Variants in ZFAT observed in about 807,000 individuals in gnomAD.
ZFAT encodes the protein zinc finger protein ZFAT.
In ZFAT, 64 loss-of-function variants were observed where a neutral mutation model predicts 117.7. The ratio of observed to expected loss-of-function variants is 0.54; its 90% CI spans 0.44 to 0.67. The LOEUF (loss-of-function observed/expected upper bound fraction) is 0.67, where lower values mean the gene tolerates loss of function less well. Among genes scored for constraint, ZFAT ranks in the 30% least tolerant of loss-of-function variants. The probability of loss-of-function intolerance (pLI) is 0.00; values close to 1 mark genes in which losing one functional copy is unlikely to be tolerated. For synonymous variants in ZFAT, 679 were observed against 615.0 expected (o/e 1.10, Z -1.54); for missense variants, 1,433 against 1,584.5 (o/e 0.90, Z 1.62).
chr8:134,733,745 C>T, the ZFAT span, among the ~76,000 whole-genome samples: 1 of 152,202 alleles, frequency 6.6e-6, no homozygotes, highest in Non-Finnish European at 1.5e-5. Flanking sequence ...TTTGTCTCGT[C>T]CTTGGTAGGT....
chr8:134,624,017 A>G (rs1222083082), intron 3 of ZFAT, among the ~76,000 whole-genome samples: 1 of 152,094 alleles, frequency 6.6e-6, no homozygotes, highest in Non-Finnish European at 1.5e-5. Flanking sequence ...AAACTACTAT[A>G]CAGACCTCCA....
the ZFAT span, among the ~76,000 whole-genome samples, chr8:134,822,270 A>C: frequency 1.4e-4 from 22 of 152,256 alleles, no homozygotes; most frequent in Middle Eastern, 3.4e-3. Flanking sequence ...ATTACACAGC[A>C]TGTCACTGGC....
chr8:134,821,974 T>C, the ZFAT span, among the ~76,000 whole-genome samples: 2 of 152,148 alleles, frequency 1.3e-5, no homozygotes, highest in Admixed American at 1.3e-4. Context: ...TGCATGCTGT[T>C]GAGGGAAATG....
intron 1 of ZFAT, among the ~76,000 whole-genome samples, chr8:134,674,091 T>C (rs1307174200): frequency 3.3e-5 from 5 of 152,144 alleles, no homozygotes; most frequent in African/African-American, 4.8e-5. Context: ...TTCAGTCTGG[T>C]TGGACAGTGG....
the ZFAT span, among the ~76,000 whole-genome samples, chr8:134,817,436 C>CAA: frequency 9.6e-4 from 122 of 126,926 alleles, 1 homozygote; most frequent in Admixed American, 4.1e-3. Context: ...CACACACACA[C>CAA]AACGCACCCT....
chr8:134,732,835 A>C, the ZFAT span, among the ~76,000 whole-genome samples: 1 of 152,198 alleles, frequency 6.6e-6, no homozygotes, highest in Non-Finnish European at 1.5e-5. Flanking sequence ...ATGGGCACAC[A>C]GAGCACAGGC....
the ZFAT span, chr8:134,723,526 C>T: frequency 6.6e-6 from 1 of 152,314 alleles, no homozygotes; most frequent in African/African-American, 2.4e-5. Flanking sequence ...AGTCCACCTT[C>T]AGCAAGACGG....
chr8:134,586,355 G>C (rs993260344), intron 9 of ZFAT, among the ~76,000 whole-genome samples: 3 of 152,156 alleles, frequency 2.0e-5, no homozygotes, highest in African/African-American at 7.2e-5. Context: ...TCTACTGAGG[G>C]CTTTACATAA....
the ZFAT span, among the ~76,000 whole-genome samples, chr8:134,773,984 ATTTTTTTTT>A: frequency 4.1e-4 from 42 of 103,294 alleles, no homozygotes; most frequent in African/African-American, 1.5e-3. Context: ...TTGAGGATTA[ATTTTTTTTT>A]TTTTTTTTTT....
chr8:134,552,823 T>C (rs1000639450), intron 11 of ZFAT, among the ~76,000 whole-genome samples: 3 of 152,236 alleles, frequency 2.0e-5, no homozygotes, highest in African/African-American at 7.2e-5. Flanking sequence ...ATCTCCAAAA[T>C]GCACAGATTT....
intron 15 of ZFAT, among the ~76,000 whole-genome samples, chr8:134,493,847 A>C (rs1818232290): frequency 6.6e-6 from 1 of 152,172 alleles, no homozygotes; most frequent in African/African-American, 2.4e-5. Flanking sequence ...CCCAGCTTAT[A>C]GTAGGCACTC....
At chr8:134,589,762 G>A (rs1027005670) in intron 8 of ZFAT, among the ~76,000 whole-genome samples, 2 of 152,230 alleles carry the variant, frequency 1.3e-5, no homozygotes, top group Non-Finnish European at 2.9e-5. Context: ...ACCAGGTAGG[G>A]CAGAAGGGAA....
the ZFAT span, among the ~76,000 whole-genome samples, chr8:134,824,425 C>A: frequency 6.6e-6 from 1 of 152,150 alleles, no homozygotes; most frequent in Non-Finnish European, 1.5e-5. Context: ...TAGAGGCTAT[C>A]GTATTTTTAA....
At chr8:134,551,735 G>A (rs563023798) in intron 11 of ZFAT, among the ~76,000 whole-genome samples, 2 of 152,134 alleles carry the variant, frequency 1.3e-5, no homozygotes, top group Non-Finnish European at 2.9e-5. Flanking sequence ...CCACATCCTC[G>A]GCTGACCTCA....
chr8:134,608,967 G>T (rs559587880), intron 4 of ZFAT, 88 bp from the exon 5 acceptor site: 2 of 1,463,298 alleles, frequency 1.4e-6, no homozygotes, highest in African/African-American at 2.9e-5. Context: ...GTGCTGGGAA[G>T]TCTATTTCTA....
At chr8:134,566,126 G>A (rs1439238631) in intron 10 of ZFAT, among the ~76,000 whole-genome samples, 5 of 152,136 alleles carry the variant, frequency 3.3e-5, no homozygotes, top group Non-Finnish European at 7.4e-5. Flanking sequence ...CGGGCGCGGT[G>A]GCTCATGCCT....
chr8:134,549,176 T>G (rs1023842396), intron 11 of ZFAT, among the ~76,000 whole-genome samples: 7 of 152,074 alleles, frequency 4.6e-5, no homozygotes, highest in Non-Finnish European at 7.4e-5. Context: ...GTGCAGTGGC[T>G]CATATCTGTA....
chr8:134,762,640 C>T, the ZFAT span, among the ~76,000 whole-genome samples: 8 of 152,312 alleles, frequency 5.3e-5, no homozygotes, highest in South Asian at 6.2e-4. Context: ...CCATCTGTAT[C>T]TTCACTTACA....
the ZFAT span, among the ~76,000 whole-genome samples, chr8:134,817,409 AC>A: frequency 1.0e-5 from 1 of 96,836 alleles, no homozygotes; most frequent in East Asian, 2.1e-4. Context: ...ACACACACAC[AC>A]ACACACACAC....
Sources: allele counts gnomAD v4.1 joint callset (sites outside exome capture counted in the v4.1 genomes callset), GRCh38; gene constraint gnomAD v4.1.1; transcripts MANE v1.5; gene names NCBI Gene and HGNC (gene_info 2026-07-23, HGNC 2026-07-21).